SESTD1: variants seen among roughly 807,000 people sequenced by gnomAD.
The protein encoded by SESTD1 is SEC14 domain and spectrin repeat-containing protein 1.
In SESTD1, 43 loss-of-function variants were observed where a neutral mutation model predicts 101.7. The ratio of observed to expected loss-of-function variants is 0.42; its 90% CI spans 0.33 to 0.55. The LOEUF (loss-of-function observed/expected upper bound fraction) is 0.55, where lower values mean the gene tolerates loss of function less well. Among genes scored for constraint, SESTD1 ranks in the 20% least tolerant of loss-of-function variants. SESTD1 has a pLI of 0.07. For synonymous variants in SESTD1, 283 were observed against 286.8 expected, an observed-to-expected ratio of 0.99 and a Z score of 0.13; for missense variants, 647 against 815.1, an observed-to-expected ratio of 0.79 and a Z score of 2.51.
intron 2 of SESTD1, among the ~76,000 whole-genome samples, chr2:179,186,684 A>ATTTT: frequency 8.4e-6 from 1 of 118,688 alleles, no homozygotes; most frequent in Non-Finnish European, 1.7e-5. Flanking sequence ...TTTTCAGGGA[A>ATTTT]TTTTTTTTTT....
chr2:179,102,500 A>G lies in SESTD1; in HGVS notation c.*7399T>C, dbSNP rs542543070. ...GTGACAATATATCAAAGAAATACAT[A>G]CCAAAACCTGCTGCCATTATAGTTG... On this transcript the variant is annotated 3_prime_UTR_variant, in exon 18 of 18. Coordinates refer to ENST00000428443, the MANE Select transcript of SESTD1 (RefSeq NM_178123.5). 8 of 152,290 alleles carry G rather than the reference A, an allele frequency of 5.3e-5. No individual in the cohort carries two copies. In the South Asian group the frequency reaches 1.5e-3, roughly 28 times the overall value. 9.4% of individuals were successfully genotyped at this position (152,290 alleles called of 1,614,324 possible).
chr2:179,178,468 T>C (rs1224374325), intron 3 of SESTD1, among the ~76,000 whole-genome samples: 1 of 150,974 alleles, frequency 6.6e-6, no homozygotes, highest in African/African-American at 2.4e-5. Flanking sequence ...CATCTCTATT[T>C]AAAAAAAAAT....
intron 1 of SESTD1, among the ~76,000 whole-genome samples, chr2:179,231,998 C>A (rs926788310): frequency 6.6e-6 from 1 of 151,856 alleles, no homozygotes; most frequent in African/African-American, 2.4e-5. Flanking sequence ...TTTAATAATA[C>A]GTAAGACTGA....
At position 179,242,042 on chromosome 2, in the gene SESTD1, T is replaced by C. The variant is rs548277267; in HGVS notation, c.-26+22457A>G. Among the ~76,000 whole-genome samples the C allele has an allele frequency of 2.6e-5, 4 of 152,216 alleles. No homozygotes were observed. In the East Asian group the frequency reaches 7.7e-4, roughly 29 times the overall value. On this transcript the variant is annotated intron_variant, in intron 1 of 17. Transcript: ENST00000428443. ...GAAGTCAAATTATCTGTTTTCATTA[T>C]AATATGATTGTATACCTAGAAAACA...
chr2:179,139,967 G>C (rs1281999272), intron 9 of SESTD1, among the ~76,000 whole-genome samples: 1 of 152,122 alleles, frequency 6.6e-6, no homozygotes, highest in Non-Finnish European at 1.5e-5. Context: ...GAACCTCATG[G>C]TCCTATGGTA....
intron 8 of SESTD1, among the ~76,000 whole-genome samples, chr2:179,145,981 A>C (rs1441402489): frequency 6.6e-6 from 1 of 152,108 alleles, no homozygotes; most frequent in Non-Finnish European, 1.5e-5. Context: ...ATTAATTTTT[A>C]AAAATATTAT....
chr2:179,210,552 C>G lies in SESTD1; in HGVS notation c.-25-18686G>C, dbSNP rs2046637950. The stretch of plus-strand genomic sequence containing the variant: ...ATACACCAGTTGATATATGTGATAA[C>G]CACATAAACAAAACAATTAAAAACA... On this transcript the variant is annotated intron_variant, in intron 1 of 17. Transcript: ENST00000428443. Among the ~76,000 whole-genome samples the G allele has an allele frequency of 1.5e-5, 2 of 134,490 alleles. 1 individual carries two copies. 88.2% of individuals were successfully genotyped at this position (134,490 alleles called of 152,430 possible). A position where few individuals can be genotyped will look rare whatever the true frequency, so the allele number is the denominator to read the frequency against.
chr2:179,119,316 G>T (rs2044698892), intron 13 of SESTD1, among the ~76,000 whole-genome samples: 1 of 152,186 alleles, frequency 6.6e-6, no homozygotes, highest in African/African-American at 2.4e-5. Flanking sequence ...TGAGAAAGAT[G>T]AAGGATTTTA....
chr2:179,200,453 C>T lies in SESTD1; in HGVS notation c.-25-8587G>A, dbSNP rs1452011590. On this transcript the variant is annotated intron_variant, in intron 1 of 17. Transcript: ENST00000428443. ...GTTCATATGGAACCAAAAAAGAGCC[C>T]GCATCACCAAGTCAATCCTAAGCCA... 1.4e-3 allele frequency among the ~76,000 whole-genome samples: 209 copies of T among 148,808 alleles called. 2 individuals are homozygous for T. The highest frequency in any genetic ancestry group is 5.0e-3 in the African/African-American group (200 of 39,680).
intron 12 of SESTD1, among the ~76,000 whole-genome samples, chr2:179,123,122 T>C (rs1242273378): frequency 6.6e-6 from 1 of 152,132 alleles, no homozygotes; most frequent in Non-Finnish European, 1.5e-5. Flanking sequence ...CCTGACCTTT[T>C]AGGAAAGTTC....
intron 1 of SESTD1, among the ~76,000 whole-genome samples, chr2:179,243,220 T>C (rs2047180373): frequency 6.6e-6 from 1 of 151,802 alleles, no homozygotes; most frequent in Admixed American, 6.6e-5. Flanking sequence ...CAAACATACC[T>C]GTCAGAATGG....
chr2:179,188,895 A>G (rs2046276942), intron 2 of SESTD1, among the ~76,000 whole-genome samples: 1 of 152,164 alleles, frequency 6.6e-6, no homozygotes, highest in Non-Finnish European at 1.5e-5. Flanking sequence ...TGAAGCCCTC[A>G]ACAGCCCAAT....
At chr2:179,184,444 G>A (rs2046174830) in intron 2 of SESTD1, among the ~76,000 whole-genome samples, 1 of 151,940 alleles carries the variant, frequency 6.6e-6, no homozygotes, top group Non-Finnish European at 1.5e-5. Context: ...AACGATTACT[G>A]CCATCCAACC....
At position 179,191,876 on chromosome 2, in the gene SESTD1, CAG is replaced by C; in HGVS notation, c.-25-12_-25-11del. 6.4e-7 allele frequency: 1 copy of C among 1,552,154 alleles called. No homozygotes were observed. The highest frequency in any genetic ancestry group is 1.1e-5 in the South Asian group (1 of 88,148). ...GTGAACTTCCTTAATTCTGAAAACA[CAG>C]AAAGTCAAATGTCAACTACAAGACA... On this transcript the variant is annotated splice_polypyrimidine_tract_variant and intron_variant, in intron 1 of 17. Transcript: ENST00000428443.
rs150991483 is a variant in SESTD1, at chr2:179,159,560, C to T, written c.370-8169G>A. ...TCTAGATGTTTGAAAAGCAAAAACTCGAAGAAAACAGAGAAAACTGACACA... is the reference window on the plus strand; with the variant it reads ...TCTAGATGTTTGAAAAGCAAAAACTTGAAGAAAACAGAGAAAACTGACACA... On this transcript the variant is annotated intron_variant, in intron 5 of 17. Transcript: ENST00000428443. Among the ~76,000 whole-genome samples the T allele has an allele frequency of 4.4e-3, 665 of 152,170 alleles. 4 individuals are homozygous for T. The highest frequency in any genetic ancestry group is 0.015 in the African/African-American group (617 of 41,536).
rs1365529004 is a variant in SESTD1 at position 179,108,257 on chromosome 2, G to T, written c.*1642C>A. 6.6e-6 allele frequency: 1 copy of T among 152,066 alleles called. No homozygotes were observed. The highest frequency in any genetic ancestry group is 1.9e-4 in the East Asian group (1 of 5,188). The allele number at this position is 152,066 out of a possible 1,614,324, so 9.4% of individuals were successfully genotyped here. A position where few individuals can be genotyped will look rare whatever the true frequency, so the allele number is the denominator to read the frequency against. Reference sequence around the variant, plus strand: ...GATCTGAGAGAGCACATGTTCAGCAGGCACATCTTAAATTAGGGTTATGCG... The same window carrying T: ...GATCTGAGAGAGCACATGTTCAGCATGCACATCTTAAATTAGGGTTATGCG... On this transcript the variant is annotated 3_prime_UTR_variant, in exon 18 of 18. Transcript: ENST00000428443.
chr2:179,195,156 ACT>A (rs1198460668), intron 1 of SESTD1, among the ~76,000 whole-genome samples: 3 of 152,250 alleles, frequency 2.0e-5, no homozygotes, highest in African/African-American at 7.2e-5. Context: ...ATATGGTTTG[ACT>A]CTGTGTCCCC....
At chr2:179,185,476 C>T (rs1453598985) in intron 2 of SESTD1, among the ~76,000 whole-genome samples, 5 of 138,504 alleles carry the variant, frequency 3.6e-5, no homozygotes, top group African/African-American at 1.1e-4. Flanking sequence ...CTATATATTA[C>T]TTATCATATA....
intron 1 of SESTD1, among the ~76,000 whole-genome samples, chr2:179,263,189 G>A (rs781069077): frequency 5.9e-5 from 9 of 152,108 alleles, no homozygotes; most frequent in Non-Finnish European, 1.0e-4. Context: ...CACGTATTTA[G>A]TCATGGGGCA....
Sources: gnomAD v4.1 joint callset for allele counts (sites outside exome capture counted in the v4.1 genomes callset) on GRCh38, gnomAD v4.1.1 for gene constraint, MANE v1.5 for transcripts, NCBI Gene and HGNC (gene_info 2026-07-23, HGNC 2026-07-21) for gene names.